The following CAMK1D variants were observed in gnomAD, a reference collection of about 807,000 sequenced individuals.
CAMK1D encodes calcium/calmodulin dependent protein kinase ID, also known as calcium/calmodulin-dependent protein kinase type 1D.
In CAMK1D, 9 loss-of-function variants were observed where a neutral mutation model predicts 47.7. That is an observed-to-expected ratio of 0.19 (90% CI 0.11 to 0.33). The LOEUF (loss-of-function observed/expected upper bound fraction) is 0.33, where lower values mean the gene tolerates loss of function less well. Ranked by LOEUF, CAMK1D falls within the 10% of genes least tolerant of loss-of-function variation. The probability of loss-of-function intolerance (pLI) is 1.00; values close to 1 mark genes in which losing one functional copy is unlikely to be tolerated. For synonymous variants in CAMK1D, 184 were observed against 184.9 expected, an observed-to-expected ratio of 0.99 and a Z score of 0.04; for missense variants, 291 against 488.7, an observed-to-expected ratio of 0.60 and a Z score of 3.81.
At chr10:12,364,237 CTTTTT>C (rs35224750) in intron 1 of CAMK1D, among the ~76,000 whole-genome samples, 7 of 65,330 alleles carry the variant, frequency 1.1e-4, no homozygotes, top group African/African-American at 3.9e-4. Flanking sequence ...TGCGCATTCT[CTTTTT>C]TTTTTTTTTT....
intron 5 of CAMK1D, among the ~76,000 whole-genome samples, chr10:12,790,252 A>G (rs1588931107): frequency 1.3e-5 from 2 of 152,398 alleles, no homozygotes; most frequent in South Asian, 2.1e-4. Context: ...TGCAATGAGC[A>G]TGCTGACACC....
At chr10:12,363,349 G>T (rs1422476799) in intron 1 of CAMK1D, among the ~76,000 whole-genome samples, 1 of 151,898 alleles carries the variant, frequency 6.6e-6, no homozygotes, top group Non-Finnish European at 1.5e-5. Flanking sequence ...CCTCCTCCCA[G>T]GTTCCAGCAA....
chr10:12,581,247 C>T (rs973611527), intron 2 of CAMK1D, among the ~76,000 whole-genome samples: 1 of 152,136 alleles, frequency 6.6e-6, no homozygotes, highest in Admixed American at 6.5e-5. Context: ...AGTAGTATTC[C>T]ATGGTATATA....
At chr10:12,680,240 A>G (rs1840946017) in intron 3 of CAMK1D, among the ~76,000 whole-genome samples, 4 of 152,164 alleles carry the variant, frequency 2.6e-5, no homozygotes, top group Admixed American at 2.6e-4. Flanking sequence ...TAATTTAGGA[A>G]TGTTGTTAAT....
chr10:12,516,915 A>C (rs1835227273), intron 1 of CAMK1D, among the ~76,000 whole-genome samples: 1 of 152,164 alleles, frequency 6.6e-6, no homozygotes, highest in African/African-American at 2.4e-5. Context: ...GTCAGTTTCT[A>C]CAGCAGACTT....
intron 1 of CAMK1D, among the ~76,000 whole-genome samples, chr10:12,458,027 A>G (rs115165970): frequency 0.016 from 2,467 of 152,334 alleles, 62 homozygotes; most frequent in African/African-American, 0.055. Context: ...AAAGCAAATC[A>G]GCCAGGGAAT....
In CAMK1D at chr10:12,401,048, AT is replaced by A. The variant is rs1303531531; in HGVS notation, c.92+51139del. On this transcript the variant is annotated intron_variant, in intron 1 of 10. Coordinates refer to ENST00000619168, the MANE Select transcript of CAMK1D (RefSeq NM_153498.4). Reference sequence around the variant, plus strand: ...TATAATATATAAATATATGTATTATATATATTATATATATATTTTATATATA... The same window carrying A: ...TATAATATATAAATATATGTATTATAATATTATATATATATTTTATATATA... 1.1e-4 allele frequency among the ~76,000 whole-genome samples: 11 copies of A among 103,942 alleles called. No homozygotes were observed. In the East Asian group the frequency reaches 1.9e-3, roughly 18 times the overall value. The allele number at this position is 103,942 out of a possible 152,430, so 68.2% of individuals were successfully genotyped here.
intron 1 of CAMK1D, among the ~76,000 whole-genome samples, chr10:12,515,368 C>G (rs1365241432): frequency 4.7e-5 from 7 of 148,500 alleles, no homozygotes; most frequent in African/African-American, 1.7e-4. Flanking sequence ...GGCAGCCTTT[C>G]TCTATAGTTC....
At chr10:12,367,918 C>T (rs899229820) in intron 1 of CAMK1D, among the ~76,000 whole-genome samples, 2 of 152,238 alleles carry the variant, frequency 1.3e-5, no homozygotes, top group African/African-American at 4.8e-5. Context: ...TTTGGCCAGG[C>T]GCAGTGGCTC....
intron 2 of CAMK1D, among the ~76,000 whole-genome samples, chr10:12,592,674 G>T (rs558131544): frequency 6.6e-6 from 1 of 152,304 alleles, no homozygotes; most frequent in Non-Finnish European, 1.5e-5. Context: ...TGGTATAAAA[G>T]AATTAATGTA....
chr10:12,620,605 C>G (rs1306876588), intron 2 of CAMK1D, among the ~76,000 whole-genome samples: 2 of 152,172 alleles, frequency 1.3e-5, no homozygotes, highest in Non-Finnish European at 2.9e-5. Context: ...TGCTCATGTT[C>G]TATCTGGGTT....
At chr10:12,472,888 G>A (rs1050112809) in intron 1 of CAMK1D, among the ~76,000 whole-genome samples, 1 of 152,202 alleles carries the variant, frequency 6.6e-6, no homozygotes, top group Non-Finnish European at 1.5e-5. Flanking sequence ...TGCGAGTACA[G>A]GGATGAGTGG....
chr10:12,365,295 GATA>G (rs983598008), intron 1 of CAMK1D, among the ~76,000 whole-genome samples: 8 of 152,094 alleles, frequency 5.3e-5, no homozygotes, highest in Non-Finnish European at 1.0e-4. Context: ...GTCAAATGGG[GATA>G]ATGACACCTG....
chr10:12,782,805 G>A (rs1199488979), intron 5 of CAMK1D, among the ~76,000 whole-genome samples: 2 of 152,112 alleles, frequency 1.3e-5, no homozygotes, highest in African/African-American at 2.4e-5. Context: ...TTCCTTGCAG[G>A]CGTAACTCTA....
chr10:12,768,735 T>C (rs1403042625), intron 4 of CAMK1D, among the ~76,000 whole-genome samples: 2 of 151,778 alleles, frequency 1.3e-5, no homozygotes, highest in African/African-American at 2.4e-5. Context: ...GGCTCCTCTT[T>C]GTGTTCAAGG....
chr10:12,506,775 C>A (rs1029884329), intron 1 of CAMK1D, among the ~76,000 whole-genome samples: 36 of 152,330 alleles, frequency 2.4e-4, no homozygotes, highest in African/African-American at 8.7e-4. Flanking sequence ...GCCTCAGCCT[C>A]CCAAAGTGCT....
rs35804649 is a variant in CAMK1D, at chr10:12,458,880, C to CT, written c.93-94329dup. The stretch of plus-strand genomic sequence containing the variant: ...TCTCCTTCCTTCCTTCCTTTCTTTC[C>CT]TTTTTTTTTTTTTTTTGAGATGAAA... On this transcript the variant is annotated intron_variant, in intron 1 of 10. Coordinates refer to ENST00000619168, the MANE Select transcript of CAMK1D (RefSeq NM_153498.4). Among the ~76,000 whole-genome samples, 1,002 of 120,644 alleles carry CT rather than the reference C, an allele frequency of 8.3e-3. 12 individuals are homozygous for CT. The highest frequency in any genetic ancestry group is 0.021 in the African/African-American group (695 of 32,618). The allele number at this position is 120,644 out of a possible 152,430, so 79.1% of individuals were successfully genotyped here. A position where few individuals can be genotyped will look rare whatever the true frequency, so the allele number is the denominator to read the frequency against.
intron 2 of CAMK1D, among the ~76,000 whole-genome samples, chr10:12,608,418 C>CA (rs1167780299): frequency 6.6e-6 from 1 of 152,098 alleles, no homozygotes; most frequent in Non-Finnish European, 1.5e-5. Context: ...AACTCTGTCT[C>CA]AAAAAAAGAA....
At chr10:12,645,574 T>C (rs1839789382) in intron 2 of CAMK1D, among the ~76,000 whole-genome samples, 2 of 152,208 alleles carry the variant, frequency 1.3e-5, no homozygotes, top group African/African-American at 4.8e-5. Flanking sequence ...AATCACTTCC[T>C]TCTTGGGGTC....
Sources: allele counts gnomAD v4.1 joint callset (sites outside exome capture counted in the v4.1 genomes callset), GRCh38; gene constraint gnomAD v4.1.1; transcripts MANE v1.5; gene names NCBI Gene and HGNC (gene_info 2026-07-23, HGNC 2026-07-21).